FBN2: variants seen among roughly 807,000 people sequenced by gnomAD.
FBN2 encodes fibrillin-2.
In FBN2, 105 loss-of-function variants were observed where a neutral mutation model predicts 355.6. That is an observed-to-expected ratio of 0.30 (90% confidence interval 0.25 to 0.35). The LOEUF (loss-of-function observed/expected upper bound fraction) is 0.35. Ranked by LOEUF, FBN2 falls within the 10% of genes least tolerant of loss-of-function variation. FBN2 has a pLI of 1.00. For missense variants in FBN2, 3,280 were observed against 3,758.7 expected (o/e 0.87, Z 3.33); for synonymous variants, 1,350 against 1,301.2 (o/e 1.04, Z -0.81).
At chr5:128,414,301 C>A (rs1248795259) in intron 7 of FBN2, among the ~76,000 whole-genome samples, 1 of 152,122 alleles carries the variant, frequency 6.6e-6, no homozygotes, top group African/African-American at 2.4e-5. Context: ...CCTCTCCAAG[C>A]CCTACGCAAC....
intron 48 of FBN2, among the ~76,000 whole-genome samples, chr5:128,298,119 A>G (rs1749582248): frequency 6.6e-6 from 1 of 151,460 alleles, no homozygotes; most frequent in African/African-American, 2.4e-5. Context: ...TGGATATGAA[A>G]TTCTGGGTTG....
chr5:128,470,824 T>C (rs775187148), intron 5 of FBN2, among the ~76,000 whole-genome samples: 8 of 151,890 alleles, frequency 5.3e-5, no homozygotes, highest in Non-Finnish European at 8.8e-5. Flanking sequence ...AGTTACAGTG[T>C]ACAACTGCAT....
intron 44 of FBN2, among the ~76,000 whole-genome samples, 187 bp from the exon 45 acceptor site, chr5:128,305,269 T>A (rs538346001): frequency 6.6e-6 from 1 of 152,238 alleles, no homozygotes; most frequent in African/African-American, 2.4e-5. Flanking sequence ...ATCATGCAAA[T>A]TTTTTTATGT....
intron 31 of FBN2, among the ~76,000 whole-genome samples, chr5:128,333,874 C>CACACA (rs1554122633): frequency 4.9e-4 from 32 of 65,654 alleles, no homozygotes; most frequent in Middle Eastern, 0.01. Context: ...CACACACACA[C>CACACA]ACTACTGGCT....
intron 4 of FBN2, among the ~76,000 whole-genome samples, chr5:128,522,781 A>G (rs894830302): frequency 7.2e-5 from 11 of 152,240 alleles, no homozygotes; most frequent in Non-Finnish European, 1.5e-4. Context: ...ACAGCAACTT[A>G]TATTTCAACT....
intron 62 of FBN2, among the ~76,000 whole-genome samples, chr5:128,270,626 G>T (rs1000751724): frequency 4.6e-5 from 7 of 152,200 alleles, no homozygotes; most frequent in African/African-American, 1.7e-4. Flanking sequence ...AAAAGAAATT[G>T]CAACAAAAGC....
At chr5:128,299,207 C>G (rs60784307) in intron 48 of FBN2, among the ~76,000 whole-genome samples, 4 of 151,244 alleles carry the variant, frequency 2.6e-5, no homozygotes, top group Non-Finnish European at 2.9e-5. Context: ...TCTCCAGCTG[C>G]GTGCTGGGAG....
chr5:128,318,833 T>A, intron 35 of FBN2, 46 bp downstream of exon 35: 1 of 1,595,506 alleles, frequency 6.3e-7, no homozygotes, highest in Middle Eastern at 1.7e-4. Context: ...CACAGAATAC[T>A]CATTTCAATG....
At chr5:128,482,439 T>G (rs1561478760) in intron 5 of FBN2, among the ~76,000 whole-genome samples, 1 of 152,306 alleles carries the variant, frequency 6.6e-6, no homozygotes, top group East Asian at 1.9e-4. Flanking sequence ...ATCTACCCAA[T>G]GCATTCTTTT....
At chr5:128,341,474 C>T (rs1331674200) in intron 25 of FBN2, among the ~76,000 whole-genome samples, 1 of 152,168 alleles carries the variant, frequency 6.6e-6, no homozygotes, top group African/African-American at 2.4e-5. Flanking sequence ...ACTTACTCCC[C>T]CTCCCCGTCA....
chr5:128,484,420 G>T (rs1382638481), intron 5 of FBN2, among the ~76,000 whole-genome samples: 1 of 152,180 alleles, frequency 6.6e-6, no homozygotes, highest in Non-Finnish European at 1.5e-5. Flanking sequence ...ATATATATTT[G>T]CCATAAATAA....
intron 11 of FBN2, among the ~76,000 whole-genome samples, chr5:128,389,031 A>T (rs1752441974): frequency 6.6e-6 from 1 of 152,076 alleles, no homozygotes. Flanking sequence ...GGTTTTGTTC[A>T]ATCTTTCTAA....
At position 128,305,597 on chromosome 5, in the gene FBN2, C is replaced by T. The variant is rs1447600676; in HGVS notation, c.5588G>A (p.Arg1863Gln). ...AGGACTATTGATGCAGTCTGCATTC[C>T]GCTGGCAGAGATTATCACCATTGCT... is the stretch of plus-strand genomic sequence containing the variant. ...ECSNGDNLCQ[R>Q]NADCINSPGS... The change falls in exon 44 of 65, where the codon CGG becomes CAG. Residue 1863 changes from arginine (R) to glutamine (Q), a missense_variant. Transcript: ENST00000262464. 3.1e-6 allele frequency: 5 copies of T among 1,613,932 alleles called. No individual in the cohort carries two copies. The highest frequency in any genetic ancestry group is 1.7e-5 in the Admixed American group (1 of 59,968).
intron 5 of FBN2, among the ~76,000 whole-genome samples, chr5:128,502,960 T>G (rs1317802741): frequency 6.6e-6 from 1 of 152,192 alleles, no homozygotes; most frequent in East Asian, 1.9e-4. Context: ...CCTGACTATT[T>G]TTCTAGTTAC....
intron 57 of FBN2, among the ~76,000 whole-genome samples, chr5:128,278,256 C>A (rs901061852): frequency 2.6e-5 from 4 of 152,144 alleles, no homozygotes; most frequent in African/African-American, 9.7e-5. Flanking sequence ...ATTTTGCAAT[C>A]TAAGCATGAA....
At chr5:128,511,115 A>C (rs1756118245) in intron 5 of FBN2, among the ~76,000 whole-genome samples, 4 of 152,234 alleles carry the variant, frequency 2.6e-5, no homozygotes, top group Admixed American at 2.6e-4. Context: ...ATTTATATTA[A>C]AAATCTAAGT....
At chr5:128,441,349 T>TGG (rs1753916667) in intron 7 of FBN2, among the ~76,000 whole-genome samples, 1 of 152,222 alleles carries the variant, frequency 6.6e-6, no homozygotes, top group African/African-American at 2.4e-5. Flanking sequence ...GTGTGCCGCC[T>TGG]GGTCATCCAA....
chr5:128,304,356 C>G (rs2126837363), intron 45 of FBN2, among the ~76,000 whole-genome samples: 1 of 152,308 alleles, frequency 6.6e-6, no homozygotes, highest in Middle Eastern at 3.4e-3. Flanking sequence ...TAATCATCAG[C>G]TCAGCAAGTA....
At chr5:128,270,358 T>C (rs1765236076) in intron 62 of FBN2, among the ~76,000 whole-genome samples, 1 of 151,842 alleles carries the variant, frequency 6.6e-6, no homozygotes, top group African/African-American at 2.4e-5. Context: ...TGAAACCCCG[T>C]TTCTACTAAA....
Sources: gnomAD v4.1 joint callset for allele counts (sites outside exome capture counted in the v4.1 genomes callset) on GRCh38, gnomAD v4.1.1 for gene constraint, MANE v1.5 for transcripts, NCBI Gene and HGNC (gene_info 2026-07-23, HGNC 2026-07-21) for gene names.